Variants in TENM4 observed in about 807,000 individuals in gnomAD.
The protein encoded by TENM4 is teneurin transmembrane protein 4.
TENM4 carries 82 observed loss-of-function variants against 243.3 expected under a neutral mutation model. That is an observed-to-expected ratio of 0.34 (90% CI 0.28 to 0.40). The LOEUF (loss-of-function observed/expected upper bound fraction) is 0.40, where lower values mean the gene tolerates loss of function less well. Among genes scored for constraint, TENM4 ranks in the 10% least tolerant of loss-of-function variants. The pLI is 1.00. For missense variants in TENM4, 3,138 were observed against 3,673.3 expected, an observed-to-expected ratio of 0.85 and a Z score of 3.77; for synonymous variants, 1,412 against 1,456.3, an observed-to-expected ratio of 0.97 and a Z score of 0.69.
intron 28 of TENM4, among the ~76,000 whole-genome samples, chr11:78,695,979 C>T (rs972232826): frequency 6.6e-6 from 1 of 151,522 alleles, no homozygotes; most frequent in Non-Finnish European, 1.5e-5. Flanking sequence ...ATTTCTTCTG[C>T]CCTATTTTTT....
intron 2 of TENM4, among the ~76,000 whole-genome samples, chr11:79,272,417 T>G (rs1855983682): frequency 6.6e-6 from 1 of 152,216 alleles, no homozygotes; most frequent in African/African-American, 2.4e-5. Context: ...TTTATTTATC[T>G]AAAATATTAT....
intron 1 of TENM4, among the ~76,000 whole-genome samples, chr11:79,379,121 A>G (rs1857950712): frequency 1.1e-4 from 17 of 152,138 alleles, no homozygotes; most frequent in Admixed American, 1.1e-3. Flanking sequence ...AGGCCTTTAC[A>G]AGCGAGGGTG....
chr11:79,266,543 A>G (rs1855886852), intron 2 of TENM4, among the ~76,000 whole-genome samples: 1 of 151,836 alleles, frequency 6.6e-6, no homozygotes, highest in Non-Finnish European at 1.5e-5. Context: ...TATCTTTGCT[A>G]CTGGTGTCAG....
intron 28 of TENM4, among the ~76,000 whole-genome samples, chr11:78,698,342 G>A (rs1355078853): frequency 1.3e-5 from 2 of 152,064 alleles, no homozygotes; most frequent in African/African-American, 4.8e-5. Flanking sequence ...AGCCGAGATC[G>A]CACCATTGCA....
chr11:79,088,403 C>G (rs1032983415), intron 4 of TENM4, among the ~76,000 whole-genome samples: 2 of 152,130 alleles, frequency 1.3e-5, no homozygotes, highest in Non-Finnish European at 2.9e-5. Flanking sequence ...GGAAGACATT[C>G]CTGTTAGAAA....
chr11:78,895,348 A>G (rs1262054905), intron 7 of TENM4, among the ~76,000 whole-genome samples: 1 of 152,150 alleles, frequency 6.6e-6, no homozygotes, highest in East Asian at 1.9e-4. Context: ...AAAAAAAAAA[A>G]AAAGAAAAAA....
At chr11:78,933,406 C>T (rs1856713986) in intron 6 of TENM4, among the ~76,000 whole-genome samples, 2 of 152,162 alleles carry the variant, frequency 1.3e-5, no homozygotes, top group Admixed American at 1.3e-4. Flanking sequence ...TATTATTAGT[C>T]TTCCTATATC....
rs1451136854 is a variant in TENM4 at position 78,903,761 on chromosome 11, TA to T, written c.494-239del. ...TCCCGTCCCCACTGAGCTTAAATTC[TA>T]GCAGGGGAGTGAAACAATAAACAAC... is the stretch of plus-strand genomic sequence containing the variant. On this transcript the variant is annotated intron_variant, in intron 6 of 33. Transcript: ENST00000278550. 4 of 722,698 alleles carry T rather than the reference TA, an allele frequency of 5.5e-6. No individual in the cohort carries two copies. The Admixed American group carries it at 8.0e-5, about 14-fold the overall frequency. 44.8% of individuals were successfully genotyped at this position (722,698 alleles called of 1,614,324 possible). A position where few individuals can be genotyped will look rare whatever the true frequency, so the allele number is the denominator to read the frequency against.
At chr11:78,812,018 A>T in intron 14 of TENM4, 104 bp downstream of exon 14, 1 of 1,413,768 alleles carries the variant, frequency 7.1e-7, no homozygotes, top group South Asian at 1.5e-5. Flanking sequence ...TGGGGTCACA[A>T]AATGGCTCAG....
intron 6 of TENM4, among the ~76,000 whole-genome samples, chr11:79,031,681 C>T (rs936813466): frequency 2.0e-5 from 3 of 152,192 alleles, no homozygotes. Flanking sequence ...GACAGTGGGA[C>T]TTGTGAGGCG....
chr11:79,188,742 A>T (rs1016548768), intron 3 of TENM4, among the ~76,000 whole-genome samples: 1 of 151,310 alleles, frequency 6.6e-6, no homozygotes, highest in African/African-American at 2.4e-5. Context: ...GGAGGAGGGG[A>T]TGAGAAGGGG....
intron 1 of TENM4, among the ~76,000 whole-genome samples, chr11:79,306,505 G>T (rs1297641967): frequency 6.6e-6 from 1 of 152,168 alleles, no homozygotes; most frequent in Admixed American, 6.5e-5. Flanking sequence ...GAAAGGAGGT[G>T]AGAGAAGACC....
intron 1 of TENM4, among the ~76,000 whole-genome samples, chr11:79,344,540 C>A (rs1186710293): frequency 6.6e-6 from 1 of 152,224 alleles, no homozygotes; most frequent in East Asian, 1.9e-4. Context: ...AAGGGGTCTG[C>A]ATGCACCTGA....
chr11:78,817,062 G>A (rs1412010567), intron 12 of TENM4, among the ~76,000 whole-genome samples: 1 of 152,168 alleles, frequency 6.6e-6, no homozygotes, highest in Non-Finnish European at 1.5e-5. Flanking sequence ...AAGAGATCAA[G>A]GGTGGAGAAA....
At chr11:79,382,743 C>A (rs911756788) in intron 1 of TENM4, among the ~76,000 whole-genome samples, 1 of 152,048 alleles carries the variant, frequency 6.6e-6, no homozygotes, top group Non-Finnish European at 1.5e-5. Context: ...CTGGGAGCCT[C>A]TTCTTCAAAG....
intron 4 of TENM4, among the ~76,000 whole-genome samples, chr11:79,092,360 C>T (rs1184400087): frequency 1.3e-5 from 2 of 152,174 alleles, no homozygotes; most frequent in Non-Finnish European, 2.9e-5. Context: ...TCACTGACTC[C>T]CCTCCTCATG....
At chr11:79,210,140 G>A (rs571806961) in intron 3 of TENM4, among the ~76,000 whole-genome samples, 1 of 152,132 alleles carries the variant, frequency 6.6e-6, no homozygotes, top group South Asian at 2.1e-4. Context: ...TCCTCTTTAG[G>A]ATTATTTCTT....
intron 2 of TENM4, among the ~76,000 whole-genome samples, chr11:79,218,363 G>A (rs991175170): frequency 2.6e-5 from 4 of 152,068 alleles, no homozygotes; most frequent in East Asian, 1.9e-4. Context: ...AATGCCAAAT[G>A]TCTGGTGGCT....
chr11:78,896,285 A>G (rs1855793817), intron 7 of TENM4, among the ~76,000 whole-genome samples: 2 of 152,134 alleles, frequency 1.3e-5, no homozygotes, highest in Non-Finnish European at 2.9e-5. Flanking sequence ...TGAGACCTCC[A>G]GGTGTGCAGG....
Sources: gnomAD v4.1 joint callset for allele counts (sites outside exome capture counted in the v4.1 genomes callset) on GRCh38, gnomAD v4.1.1 for gene constraint, MANE v1.5 for transcripts, NCBI Gene and HGNC (gene_info 2026-07-23, HGNC 2026-07-21) for gene names.